The following PPP4R1 variants were observed in gnomAD, a reference collection of about 807,000 sequenced individuals.
The protein encoded by PPP4R1 is serine/threonine-protein phosphatase 4 regulatory subunit 1.
A neutral mutation model predicts 111.2 loss-of-function variants in PPP4R1; 42 were observed. The observed-to-expected ratio is 0.38, with a 90% CI of 0.29 to 0.49. The LOEUF is 0.49. Among genes scored for constraint, PPP4R1 ranks in the 20% least tolerant of loss-of-function variants. PPP4R1 has a pLI of 0.97. For missense variants in PPP4R1, 1,012 were observed against 1,161.6 expected (o/e 0.87, Z 1.87); for synonymous variants, 409 against 405.5 (o/e 1.01, Z -0.10).
At chr18:9,576,819 C>G (rs532980805) in intron 10 of PPP4R1, among the ~76,000 whole-genome samples, 2 of 152,142 alleles carry the variant, frequency 1.3e-5, no homozygotes, top group African/African-American at 4.8e-5. Flanking sequence ...TTCCTATGTG[C>G]GAGGCATCTA....
In PPP4R1 at chr18:9,569,516, A is replaced by G. The variant is rs142848156; in HGVS notation, c.1573+641T>C. 5.4e-4 allele frequency among the ~76,000 whole-genome samples: 82 copies of G among 152,350 alleles called. No homozygotes were observed. In the East Asian group the frequency reaches 0.015, roughly 28 times the overall value. On this transcript the variant is annotated intron_variant, in intron 11 of 19. Transcript: ENST00000400556. ...TGCAAAATAGTTAAGGCAGAGCCCA[A>G]ACTTTAAAACTGTAAAGCACTGTTT...
intron 11 of PPP4R1, among the ~76,000 whole-genome samples, chr18:9,569,699 G>A (rs939772643): frequency 1.3e-5 from 2 of 152,022 alleles, no homozygotes; most frequent in Admixed American, 6.5e-5. Flanking sequence ...TGATAATGAT[G>A]GTTATACTAC....
chr18:9,582,980 T>C (rs1477673935), intron 9 of PPP4R1, 137 bp downstream of exon 9: 1 of 843,564 alleles, frequency 1.2e-6, no homozygotes, highest in Admixed American at 3.9e-5. Flanking sequence ...TATAGTAGTC[T>C]TTCTACTGTC....
chr18:9,559,727 A>T, intron 13 of PPP4R1, 123 bp from the exon 14 acceptor site: 1 of 678,760 alleles, frequency 1.5e-6, no homozygotes, highest in Non-Finnish European at 2.2e-6. Context: ...CAAATAGTTG[A>T]GAAAAACCAA....
At chr18:9,569,896 T>C (rs1048134928) in intron 11 of PPP4R1, among the ~76,000 whole-genome samples, 3 of 152,096 alleles carry the variant, frequency 2.0e-5, no homozygotes, top group Admixed American at 1.3e-4. Context: ...ACTACAAGCA[T>C]GTGCCACCAT....
At position 9,614,075 on chromosome 18, in the gene PPP4R1, T is replaced by C. The variant is rs1169263190; in HGVS notation, c.52+151A>G. ...GCCGTTTCCTCACGGACGCGAGATTTTCCCCCCCGATCGCCACCCCAGCCC... is the reference window on the plus strand; with the variant it reads ...GCCGTTTCCTCACGGACGCGAGATTCTCCCCCCCGATCGCCACCCCAGCCC... On this transcript the variant is annotated intron_variant, in intron 2 of 19. Transcript: ENST00000400556. The surrounding 1 kb of genome is among the most constrained non-coding windows in gnomAD (Gnocchi z 4.1). The C allele has an allele frequency of 1.0e-5, 6 of 576,152 alleles. No homozygotes were observed. The highest frequency in any genetic ancestry group is 4.9e-6 in the Non-Finnish European group (2 of 411,004). 35.7% of individuals were successfully genotyped at this position (576,152 alleles called of 1,614,324 possible).
intron 9 of PPP4R1, among the ~76,000 whole-genome samples, chr18:9,582,197 T>C (rs1363567601): frequency 1.3e-5 from 2 of 151,490 alleles, no homozygotes; most frequent in Non-Finnish European, 2.9e-5. Flanking sequence ...AAGATTAAAA[T>C]GGAAATTAAT....
At chr18:9,558,717 A>G (rs1457043821) in intron 14 of PPP4R1, among the ~76,000 whole-genome samples, 1 of 141,454 alleles carries the variant, frequency 7.1e-6, no homozygotes, top group African/African-American at 2.6e-5. Flanking sequence ...TTTTTTTTAA[A>G]TAACTGAGAG....
chr18:9,578,554 T>TAAA (rs58206099), intron 9 of PPP4R1, among the ~76,000 whole-genome samples: 182 of 135,852 alleles, frequency 1.3e-3, no homozygotes, highest in African/African-American at 4.8e-3. Context: ...TTCTTTTCTT[T>TAAA]AAAAAAAAAA....
rs2067271213 is a variant in PPP4R1 at position 9,595,137 on chromosome 18, G to A, written c.69C>T (p.Tyr23=). 6 of 1,613,716 alleles carry A rather than the reference G, an allele frequency of 3.7e-6. No individual in the cohort carries two copies. The highest frequency in any genetic ancestry group is 5.1e-6 in the Non-Finnish European group (6 of 1,179,806). The change falls in exon 3 of 20, where the codon TAC becomes TAT. Residue 23 remains tyrosine (Y), a synonymous_variant. Transcript: ENST00000400556. ...TAATAATCACATCAGACTCTGAGCT[G>A]TAGTCATCCACACCAACTATCAGAG... ...EDADGFGVDD[Y]SSESDVIIIP... is the part of the protein sequence containing the mutation.
intron 2 of PPP4R1, among the ~76,000 whole-genome samples, chr18:9,605,401 T>C (rs1338743614): frequency 6.6e-6 from 1 of 151,768 alleles, no homozygotes; most frequent in Admixed American, 6.6e-5. Flanking sequence ...ATTTCCCCAT[T>C]GTCAAACTAT....
At chr18:9,561,858 A>G in intron 13 of PPP4R1, 122 bp downstream of exon 13, 1 of 730,086 alleles carries the variant, frequency 1.4e-6, no homozygotes, top group Admixed American at 2.3e-5. Flanking sequence ...TATGGAAAAT[A>G]TGACACACTA....
intron 2 of PPP4R1, among the ~76,000 whole-genome samples, chr18:9,599,312 A>G (rs1226489694): frequency 6.6e-6 from 1 of 152,216 alleles, no homozygotes; most frequent in African/African-American, 2.4e-5. Context: ...CATATTAATT[A>G]TAAACTCTAA....
chr18:9,555,993 CAAACAAA>C, intron 15 of PPP4R1, among the ~76,000 whole-genome samples: 1 of 120,788 alleles, frequency 8.3e-6, no homozygotes, highest in Admixed American at 8.3e-5. Flanking sequence ...AACAAACAAA[CAAACAAA>C]AAAACACAAA....
chr18:9,614,333 CCCCG>C lies in PPP4R1; in HGVS notation c.8-67_8-64del, dbSNP rs1486071715. ...CCCGGGGCCCGGCGCGACGCCCCCC[CCCCG>C]CCCGCCTCCCCCCCGCCCCGGGGGC... On this transcript the variant is annotated intron_variant, in intron 1 of 19. Coordinates refer to ENST00000400556, the MANE Select transcript of PPP4R1 (RefSeq NM_001042388.3). This position sits in a 1 kb window ranked among gnomAD's most constrained non-coding sequence, Gnocchi z 4.1. 2 of 1,056,172 alleles carry C rather than the reference CCCCG, an allele frequency of 1.9e-6. No individual in the cohort carries two copies. Among genetic ancestry groups the C allele is most frequent in the African/African-American group, 3.6e-5 (2 of 55,858 alleles). The allele number at this position is 1,056,172 out of a possible 1,614,324, so 65.4% of individuals were successfully genotyped here. A position where few individuals can be genotyped will look rare whatever the true frequency, so the allele number is the denominator to read the frequency against.
At chr18:9,574,707 A>C (rs1197240580) in intron 10 of PPP4R1, among the ~76,000 whole-genome samples, 1 of 152,206 alleles carries the variant, frequency 6.6e-6, no homozygotes, top group Non-Finnish European at 1.5e-5. Flanking sequence ...ATATGTAGCC[A>C]AAAGGATAGG....
At chr18:9,609,589 A>G (rs1369047143) in intron 2 of PPP4R1, among the ~76,000 whole-genome samples, 2 of 152,226 alleles carry the variant, frequency 1.3e-5, no homozygotes, top group Non-Finnish European at 2.9e-5. Context: ...AGTCTGTTGT[A>G]TGGCATACTC....
rs147910800 is a variant in PPP4R1 at position 9,549,282 on chromosome 18, C to A, written c.2604G>T (p.Pro868=). Reference sequence around the variant, plus strand: ...TGTCATTTGCTAAGGTTAGCAGATGCGGCATGAGATGCACAGCAAACTGGT... The same window carrying A: ...TGTCATTTGCTAAGGTTAGCAGATGAGGCATGAGATGCACAGCAAACTGGT... The part of the protein sequence containing the change: ...PMDQFAVHLM[P]HLLTLANDRV... Residue 868 remains proline, a synonymous_variant, in exon 19 of 20, where the codon CCG becomes CCT. Transcript: ENST00000400556. The A allele has an allele frequency of 1.2e-6, 2 of 1,613,740 alleles. No individual in the cohort carries two copies. The highest frequency in any genetic ancestry group is 1.7e-6 in the Non-Finnish European group (2 of 1,179,668).
intron 4 of PPP4R1, 70 bp downstream of exon 4, chr18:9,593,698 T>C (rs2067247216): frequency 7.3e-7 from 1 of 1,370,778 alleles, no homozygotes; most frequent in Non-Finnish European, 1.0e-6. Flanking sequence ...TGTTCATTAG[T>C]TTTTAGAAAC....
Sources: gnomAD v4.1 joint callset for allele counts (sites outside exome capture counted in the v4.1 genomes callset) on GRCh38, gnomAD v4.1.1 for gene constraint, Gnocchi (gnomAD v3.1) non-coding constraint, MANE v1.5 for transcripts, NCBI Gene and HGNC (gene_info 2026-07-23, HGNC 2026-07-21) for gene names.